SRSF1: variants seen among roughly 807,000 people sequenced by gnomAD.
SRSF1 encodes the protein serine/arginine-rich splicing factor 1.
SRSF1 carries 1 observed loss-of-function variant against 25.9 expected under a neutral mutation model. That is an observed-to-expected ratio of 0.04 (90% CI 0.01 to 0.18). The LOEUF is 0.18. SRSF1 is among the 10% of genes least tolerant of loss of function. The pLI is 1.00. For synonymous variants in SRSF1, 132 were observed against 126.2 expected, an observed-to-expected ratio of 1.05 and a Z score of -0.31; for missense variants, 65 against 350.5, an observed-to-expected ratio of 0.19 and a Z score of 6.50.
chr17:57,993,955 T>A, the SRSF1 span: 1 of 152,190 alleles, frequency 6.6e-6, no homozygotes, highest in Non-Finnish European at 1.5e-5. Context: ...CAGAAATGAA[T>A]GCTCAGAGAG....
Position 58,005,058 on chromosome 17 carries a change from G to A in SRSF1, c.*348C>T. 4.4e-6 allele frequency: 2 copies of A among 450,480 alleles called. No individual in the cohort carries two copies. Among genetic ancestry groups the A allele is most frequent in the Non-Finnish European group, 3.9e-6 (1 of 256,458 alleles). The allele number at this position is 450,480 out of a possible 1,614,324, so 27.9% of individuals were successfully genotyped here. On this transcript the variant is annotated 3_prime_UTR_variant, in exon 4 of 4. Coordinates refer to ENST00000258962, the MANE Select transcript of SRSF1 (RefSeq NM_006924.5). The surrounding 1 kb of genome is among the most constrained non-coding windows in gnomAD (Gnocchi z 5.2). The stretch of plus-strand genomic sequence containing the variant: ...CAGATATGTCTACAGAAAGACACAT[G>A]AAAAGCAAGATAAACATAAGAACTT...
chr17:57,998,332 C>CCTT (rs996103896), downstream of SRSF1, among the ~76,000 whole-genome samples: 6 of 152,234 alleles, frequency 3.9e-5, no homozygotes, highest in African/African-American at 1.2e-4. Flanking sequence ...AAAGGTTATA[C>CCTT]CTTCCCTTTT....
downstream of SRSF1, among the ~76,000 whole-genome samples, chr17:57,997,013 A>G (rs145563867): frequency 1.1e-3 from 168 of 152,344 alleles, no homozygotes; most frequent in African/African-American, 3.9e-3. Flanking sequence ...CAATACCACT[A>G]AATTCTGAGG....
At chr17:57,993,216 CTG>C in the SRSF1 span, 5 of 152,310 alleles carry the variant, frequency 3.3e-5, no homozygotes, top group Admixed American at 3.3e-4. Context: ...CGGTGAAACC[CTG>C]TCTCTACTAA....
chr17:58,007,045 G>A lies in SRSF1; in HGVS notation c.93C>T (p.Asp31=), dbSNP rs114061535. ...GNLPPDIRTK[D]IEDVFYKYGA... is the part of the protein sequence containing the mutation. ...CGTATTTGTAGAACACGTCCTCAAT[G>A]TCCTTGGTTCGGATGTCTGGAGGTA... is the stretch of plus-strand genomic sequence containing the variant. The change falls in exon 1 of 4, where the codon GAC becomes GAT. Residue 31 remains aspartate (D), a synonymous_variant. Transcript: ENST00000258962. 1.9e-6 allele frequency: 3 copies of A among 1,614,182 alleles called. No homozygotes were observed. Among genetic ancestry groups the A allele is most frequent in the East Asian group, 2.2e-5 (1 of 44,876 alleles).
In SRSF1 at chr17:58,007,184, C is replaced by G; in HGVS notation, c.-47G>C. 1.9e-6 allele frequency: 3 copies of G among 1,605,840 alleles called. No individual in the cohort carries two copies. The South Asian group carries it at 3.3e-5, about 18-fold the overall frequency. On this transcript the variant is annotated 5_prime_UTR_variant, in exon 1 of 4. Transcript: ENST00000258962. ...CTCGAGAACAGGCCTTCCCACCAAG[C>G]CTAGCGCACGGCAGAGCGAGCCCGC... is the stretch of plus-strand genomic sequence containing the variant.
At chr17:57,989,198 A>G in the SRSF1 span, 1 of 398,450 alleles carries the variant, frequency 2.5e-6, no homozygotes. Context: ...TGCTACTGGA[A>G]CTTTGTAGAT....
At chr17:58,006,126 G>C (rs1219610967) in intron 2 of SRSF1, 153 bp from the exon 3 acceptor site, 1 of 973,842 alleles carries the variant, frequency 1.0e-6, no homozygotes, top group East Asian at 2.6e-5. Context: ...CTGGAATCCA[G>C]AGTCCAAAAT....
Position 58,005,675 on chromosome 17 carries a change from T to C in SRSF1, c.553-75A>G, listed in dbSNP as rs371122113. The C allele has an allele frequency of 8.7e-6, 14 of 1,608,444 alleles. No individual in the cohort carries two copies. Among genetic ancestry groups the C allele is most frequent in the Non-Finnish European group, 1.2e-5 (14 of 1,176,356 alleles). On this transcript the variant is annotated intron_variant, in intron 3 of 3. Transcript: ENST00000258962. The surrounding 1 kb of genome is among the most constrained non-coding windows in gnomAD (Gnocchi z 5.2). ...CTTCAGACATGCTGAATGAATACAA[T>C]GTAACTAAAACCAGAAATCTGGCAA...
Position 58,004,785 on chromosome 17 carries a change from A to C in SRSF1, c.*621T>G, listed in dbSNP as rs966887720. Reference sequence around the variant, plus strand: ...ATTGCCAAGGTTTAAAAAGCAAAGCAATTGTAGCTAAAGACAACTGAATAA... The same window carrying C: ...ATTGCCAAGGTTTAAAAAGCAAAGCCATTGTAGCTAAAGACAACTGAATAA... On this transcript the variant is annotated 3_prime_UTR_variant, in exon 4 of 4. Transcript: ENST00000258962. The C allele has an allele frequency of 7.6e-6, 3 of 394,320 alleles. No homozygotes were observed. The highest frequency in any genetic ancestry group is 1.3e-5 in the Non-Finnish European group (3 of 223,686). 24.4% of individuals were successfully genotyped at this position (394,320 alleles called of 1,614,324 possible).
At position 58,007,169 on chromosome 17, in the gene SRSF1, G is replaced by A. The variant is rs372520572; in HGVS notation, c.-32C>T. 2.5e-6 allele frequency: 4 copies of A among 1,611,198 alleles called. No individual in the cohort carries two copies. In the African/African-American group the frequency reaches 5.3e-5, roughly 22 times the overall value. On this transcript the variant is annotated 5_prime_UTR_variant, in exon 1 of 4. Coordinates refer to ENST00000258962, the MANE Select transcript of SRSF1 (RefSeq NM_006924.5). The stretch of plus-strand genomic sequence containing the variant: ...GACGAAAAGCGCGGACTCGAGAACA[G>A]GCCTTCCCACCAAGCCTAGCGCACG...
intron 1 of SRSF1, 103 bp from the exon 2 acceptor site, chr17:58,006,630 G>T: frequency 7.5e-7 from 1 of 1,335,310 alleles, no homozygotes. Flanking sequence ...CAACGTGGAA[G>T]AGCCCACATG....
chr17:57,992,222 T>C, the SRSF1 span: 2 of 152,184 alleles, frequency 1.3e-5, no homozygotes, highest in African/African-American at 2.4e-5. Context: ...TAAAATAGCA[T>C]AGACCACAAG....
chr17:57,992,340 G>A, the SRSF1 span: 1 of 152,074 alleles, frequency 6.6e-6, no homozygotes, highest in African/African-American at 2.4e-5. Flanking sequence ...GTTCCTTACT[G>A]CCCTCAGATG....
downstream of SRSF1, among the ~76,000 whole-genome samples, chr17:57,999,643 T>C (rs940500768): frequency 2.6e-5 from 4 of 152,212 alleles, no homozygotes; most frequent in African/African-American, 4.8e-5. Flanking sequence ...GTATCTATAA[T>C]GGGGATTATT....
At chr17:57,999,045 A>G (rs528067110), downstream of SRSF1, among the ~76,000 whole-genome samples, 1 of 152,326 alleles carries the variant, frequency 6.6e-6, no homozygotes, top group South Asian at 2.1e-4. Flanking sequence ...TTAAATTTTC[A>G]GTAATTTTCA....
chr17:58,005,673 A>C lies in SRSF1; in HGVS notation c.553-73T>G. The C allele has an allele frequency of 6.2e-7, 1 of 1,608,218 alleles. No homozygotes were observed. Among genetic ancestry groups the C allele is most frequent in the Admixed American group, 1.7e-5 (1 of 59,414 alleles). ...ATCTTCAGACATGCTGAATGAATAC[A>C]ATGTAACTAAAACCAGAAATCTGGC... On this transcript the variant is annotated intron_variant, in intron 3 of 3. Coordinates refer to ENST00000258962, the MANE Select transcript of SRSF1 (RefSeq NM_006924.5). The surrounding 1 kb of genome is among the most constrained non-coding windows in gnomAD (Gnocchi z 5.2).
In SRSF1 at chr17:58,006,584, A is replaced by G. The variant is rs376017697; in HGVS notation, c.195-57T>C. 400 of 1,531,628 alleles carry G rather than the reference A, an allele frequency of 2.6e-4. 1 individual carries two copies. The South Asian group carries it at 4.5e-3, about 17-fold the overall frequency. The allele number at this position is 1,531,628 out of a possible 1,614,324, so 94.9% of individuals were successfully genotyped here. On this transcript the variant is annotated intron_variant, in intron 1 of 3. Coordinates refer to ENST00000258962, the MANE Select transcript of SRSF1 (RefSeq NM_006924.5). ...AAACACCAGGAGGAGAAGCTCGCTCAGTTGGGAACCAGCAAACCCCCCGCA... is the reference window on the plus strand; with the variant it reads ...AAACACCAGGAGGAGAAGCTCGCTCGGTTGGGAACCAGCAAACCCCCCGCA...
rs931124912 is a variant in SRSF1 at position 58,001,477 on chromosome 17, T to C, written c.*3929A>G. On this transcript the variant is annotated 3_prime_UTR_variant, in exon 4 of 4. Coordinates refer to ENST00000258962, the MANE Select transcript of SRSF1 (RefSeq NM_006924.5). ...ACCCAAACAATCAAGAACCAGAAAA[T>C]GGGTTTCTTACCTTTTGTTTCCAGT... 6.6e-6 allele frequency among the ~76,000 whole-genome samples: 1 copy of C among 151,984 alleles called. No homozygotes were observed. Among genetic ancestry groups the C allele is most frequent in the African/African-American group, 2.4e-5 (1 of 41,404 alleles).
Sources: allele counts gnomAD v4.1 joint callset (sites outside exome capture counted in the v4.1 genomes callset), GRCh38; gene constraint gnomAD v4.1.1; non-coding constraint Gnocchi (gnomAD v3.1); transcripts MANE v1.5; gene names NCBI Gene and HGNC (gene_info 2026-07-23, HGNC 2026-07-21).